Variants in RNF130 observed in about 807,000 individuals in gnomAD.
RNF130 encodes the protein ring finger protein 130.
In RNF130, 21 loss-of-function variants were observed where a neutral mutation model predicts 44.6. The observed-to-expected ratio is 0.47, with a 90% CI of 0.33 to 0.68. The LOEUF (loss-of-function observed/expected upper bound fraction) is 0.68, where lower values mean the gene tolerates loss of function less well. Among genes scored for constraint, RNF130 ranks in the 30% least tolerant of loss-of-function variants. RNF130 has a pLI of 0.02. For missense variants in RNF130, 479 were observed against 560.6 expected (o/e 0.85, Z 1.47); for synonymous variants, 214 against 210.4 (o/e 1.02, Z -0.15).
At chr5:180,046,526 G>C (rs1218265694) in intron 1 of RNF130, among the ~76,000 whole-genome samples, 1 of 152,212 alleles carries the variant, frequency 6.6e-6, no homozygotes, top group Non-Finnish European at 1.5e-5. Flanking sequence ...CTACCCCTGA[G>C]AATTGTCAGT....
intron 7 of RNF130, among the ~76,000 whole-genome samples, chr5:179,940,639 A>T (rs1030557707): frequency 1.3e-5 from 2 of 151,784 alleles, no homozygotes; most frequent in Non-Finnish European, 2.9e-5. Flanking sequence ...TCTGCCTTTA[A>T]GTTTTTCTGT....
intron 7 of RNF130, among the ~76,000 whole-genome samples, chr5:179,937,695 T>G (rs1761911848): frequency 6.6e-6 from 1 of 152,148 alleles, no homozygotes; most frequent in Non-Finnish European, 1.5e-5. Context: ...ATTCCACTGC[T>G]AGGTATATAA....
chr5:180,028,209 T>G (rs971665622), intron 2 of RNF130, among the ~76,000 whole-genome samples: 2 of 152,192 alleles, frequency 1.3e-5, no homozygotes, highest in African/African-American at 4.8e-5. Flanking sequence ...CATTCCTCTC[T>G]GACCCCTTGG....
intron 7 of RNF130, among the ~76,000 whole-genome samples, chr5:179,930,226 T>C (rs1394093547): frequency 1.3e-5 from 2 of 151,872 alleles, no homozygotes; most frequent in African/African-American, 4.8e-5. Context: ...CCCGGCTAAT[T>C]TTTGTATTTT....
intron 5 of RNF130, among the ~76,000 whole-genome samples, chr5:179,972,599 G>A (rs955173525): frequency 6.6e-6 from 1 of 152,028 alleles, no homozygotes; most frequent in African/African-American, 2.4e-5. Context: ...AGATGAGGGT[G>A]GGGGGTGGCT....
At chr5:180,031,548 G>A (rs1416624312) in intron 2 of RNF130, among the ~76,000 whole-genome samples, 1 of 152,118 alleles carries the variant, frequency 6.6e-6, no homozygotes, top group South Asian at 2.1e-4. Context: ...GACTGTGTGG[G>A]GGTCAGTGTC....
intron 2 of RNF130, among the ~76,000 whole-genome samples, chr5:180,018,309 GAAAAGAAAAGAAA>G (rs1763789153): frequency 7.0e-6 from 1 of 143,552 alleles, no homozygotes; most frequent in African/African-American, 2.6e-5. Context: ...AAAAAAAAAA[GAAAAGAAAAGAAA>G]AAAAGAAAAG....
chr5:180,044,021 A>G (rs1224432654), intron 1 of RNF130, among the ~76,000 whole-genome samples: 2 of 152,218 alleles, frequency 1.3e-5, no homozygotes, highest in Non-Finnish European at 2.9e-5. Context: ...CGGTTCTATA[A>G]CAACTTTTCA....
In RNF130 at chr5:180,021,420, T is replaced by C. The variant is rs1312426861; in HGVS notation, c.443-8109A>G. 3.3e-5 allele frequency among the ~76,000 whole-genome samples: 5 copies of C among 152,158 alleles called. No individual in the cohort carries two copies. In the East Asian group the frequency reaches 7.7e-4, roughly 23 times the overall value. Reference sequence around the variant, plus strand: ...CCACAAGGTACATCATTATGTATCATGAAGAAAAAAATCTGTCAAGCAACT... The same window carrying C: ...CCACAAGGTACATCATTATGTATCACGAAGAAAAAAATCTGTCAAGCAACT... On this transcript the variant is annotated intron_variant, in intron 2 of 8. Transcript: ENST00000521389.
intron 3 of RNF130, among the ~76,000 whole-genome samples, chr5:179,997,741 A>G (rs1763238027): frequency 6.6e-6 from 1 of 152,152 alleles, no homozygotes. Flanking sequence ...TGCTGGGATT[A>G]TAAGCATGAG....
chr5:180,014,408 G>T (rs1213865010), intron 2 of RNF130, among the ~76,000 whole-genome samples: 1 of 152,164 alleles, frequency 6.6e-6, no homozygotes, highest in Non-Finnish European at 1.5e-5. Context: ...GCCTTCTCCA[G>T]AGAGCCCCTG....
chr5:179,998,383 C>T (rs1763249679), intron 3 of RNF130, among the ~76,000 whole-genome samples: 1 of 152,126 alleles, frequency 6.6e-6, no homozygotes, highest in African/African-American at 2.4e-5. Flanking sequence ...TTGTACAATT[C>T]CAAAAGTTTC....
At position 179,980,212 on chromosome 5, in the gene RNF130, G is replaced by A; in HGVS notation, c.694-12C>T. 1.2e-6 allele frequency: 2 copies of A among 1,613,276 alleles called. No individual in the cohort carries two copies. Among genetic ancestry groups the A allele is most frequent in the African/African-American group, 2.7e-5 (2 of 74,974 alleles). On this transcript the variant is annotated splice_polypyrimidine_tract_variant and intron_variant, in intron 3 of 8. Coordinates refer to ENST00000521389, the MANE Select transcript of RNF130 (RefSeq NM_018434.6). ...TCTCCGAGACGACGCTATGAAAATTGCAAATAAAAACAGATACTAAGTGTA... is the reference window on the plus strand; with the variant it reads ...TCTCCGAGACGACGCTATGAAAATTACAAATAAAAACAGATACTAAGTGTA...
intron 2 of RNF130, among the ~76,000 whole-genome samples, chr5:180,036,529 T>G (rs2113132432): frequency 6.6e-6 from 1 of 152,294 alleles, no homozygotes; most frequent in South Asian, 2.1e-4. Flanking sequence ...AACCACAAAT[T>G]TCCACTGCTC....
intron 7 of RNF130, among the ~76,000 whole-genome samples, chr5:179,947,528 G>A (rs1398118711): frequency 1.3e-5 from 2 of 152,230 alleles, no homozygotes; most frequent in Non-Finnish European, 2.9e-5. Context: ...CTGGGGGCCA[G>A]CTTATGTGTT....
chr5:180,013,138 T>C lies in RNF130; in HGVS notation c.616A>G (p.Met206Val), dbSNP rs975456165. The C allele has an allele frequency of 1.9e-5, 31 of 1,613,866 alleles. No individual in the cohort carries two copies. The highest frequency in any genetic ancestry group is 2.5e-5 in the Non-Finnish European group (30 of 1,179,990). ...VFVSISFIVL[M>V]IISSAWLIFY... ...ATGAGCCATGCTGAAGAAATAATCA[T>C]CAAAACAATAAAGGATATTGACACG... is the stretch of plus-strand genomic sequence containing the variant. The change falls in exon 3 of 9, where the codon ATG (methionine) becomes GTG (valine). Residue 206 changes from methionine to valine, a missense_variant. Met to Val is a conservative substitution (Grantham distance 21). Transcript: ENST00000521389.
chr5:180,000,152 C>T (rs1763300570), intron 3 of RNF130, among the ~76,000 whole-genome samples: 4 of 152,206 alleles, frequency 2.6e-5, no homozygotes, highest in Admixed American at 2.0e-4. Flanking sequence ...ACCCCCATTT[C>T]TGAAGGATGG....
At chr5:179,972,472 C>T (rs984493697) in intron 5 of RNF130, among the ~76,000 whole-genome samples, 2 of 152,172 alleles carry the variant, frequency 1.3e-5, no homozygotes, top group Admixed American at 6.5e-5. Context: ...ACATATGATG[C>T]TGTGACCTCT....
Position 179,977,971 on chromosome 5 carries a change from G to A in RNF130, c.848+232C>T, listed in dbSNP as rs1038382276. 5.3e-5 allele frequency among the ~76,000 whole-genome samples: 8 copies of A among 152,224 alleles called. No homozygotes were observed. Among genetic ancestry groups the A allele is most frequent in the East Asian group, 1.9e-4 (1 of 5,204 alleles). ...GCTGTGTCTGGGGAGTCTGGAGGCCGCGTGCCACATCGCATATTGGCTACA... is the reference window on the plus strand; with the variant it reads ...GCTGTGTCTGGGGAGTCTGGAGGCCACGTGCCACATCGCATATTGGCTACA... On this transcript the variant is annotated intron_variant, in intron 5 of 8. Transcript: ENST00000521389. This position sits in a 1 kb window ranked among gnomAD's most constrained non-coding sequence, Gnocchi z 4.1.
Sources: allele counts gnomAD v4.1 joint callset (sites outside exome capture counted in the v4.1 genomes callset), GRCh38; gene constraint gnomAD v4.1.1; non-coding constraint Gnocchi (gnomAD v3.1); transcripts MANE v1.5; gene names NCBI Gene and HGNC (gene_info 2026-07-23, HGNC 2026-07-21).